Variants in USP43 observed in about 807,000 individuals in gnomAD.
USP43 encodes the protein ubiquitin specific peptidase 43.
A neutral mutation model predicts 90.7 loss-of-function variants in USP43; 33 were observed. The observed-to-expected ratio is 0.36, with a 90% CI of 0.28 to 0.49. USP43 has a LOEUF of 0.49. Ranked by LOEUF, USP43 falls within the 20% of genes least tolerant of loss-of-function variation. The probability of loss-of-function intolerance (pLI) is 0.98; values close to 1 mark genes in which losing one functional copy is unlikely to be tolerated. For missense variants in USP43, 1,274 were observed against 1,476.4 expected (o/e 0.86, Z 2.25); for synonymous variants, 598 against 615.8 (o/e 0.97, Z 0.43).
intron 14 of USP43, among the ~76,000 whole-genome samples, chr17:9,723,557 C>T (rs1257323006): frequency 5.8e-5 from 6 of 102,698 alleles, no homozygotes; most frequent in Non-Finnish European, 1.2e-4. Flanking sequence ...CCTCCCCTCC[C>T]CTCCCCTCCC....
intron 8 of USP43, among the ~76,000 whole-genome samples, chr17:9,689,573 G>A (rs369746774): frequency 2.6e-5 from 4 of 151,970 alleles, no homozygotes; most frequent in Admixed American, 6.6e-5. Context: ...CATCATGCCT[G>A]GTTAATTATT....
intron 2 of USP43, among the ~76,000 whole-genome samples, chr17:9,665,043 T>A (rs1466797724): frequency 6.6e-6 from 1 of 152,204 alleles, no homozygotes; most frequent in Non-Finnish European, 1.5e-5. Flanking sequence ...GCAGAAATTT[T>A]GGCATAACAG....
At chr17:9,687,392 G>T (rs1258947455) in intron 8 of USP43, among the ~76,000 whole-genome samples, 6 of 152,182 alleles carry the variant, frequency 3.9e-5, no homozygotes, top group Non-Finnish European at 8.8e-5. Flanking sequence ...TAAAATGGAT[G>T]ATTATGTCCA....
At chr17:9,689,461 G>T (rs777961917) in intron 8 of USP43, among the ~76,000 whole-genome samples, 11 of 151,830 alleles carry the variant, frequency 7.2e-5, no homozygotes, top group African/African-American at 1.5e-4. Context: ...GGCCAGGCTG[G>T]AGTGTGGTGG....
chr17:9,701,275 G>C lies in USP43; in HGVS notation c.1662+30G>C, dbSNP rs764760569. On this transcript the variant is annotated intron_variant, in intron 11 of 14. Transcript: ENST00000285199. The surrounding 1 kb of genome is among the most constrained non-coding windows in gnomAD (Gnocchi z 7.2). ...CGCCCTGGGGGTCCATGCCCCGGCC[G>C]GGAAGGGGGCTGGCTGCCTTTGGTG... is the stretch of plus-strand genomic sequence containing the variant. The C allele has an allele frequency of 1.9e-6, 3 of 1,599,802 alleles. No homozygotes were observed. Among genetic ancestry groups the C allele is most frequent in the African/African-American group, 2.7e-5 (2 of 74,718 alleles).
At chr17:9,653,409 G>A (rs532577391) in intron 1 of USP43, among the ~76,000 whole-genome samples, 4 of 152,034 alleles carry the variant, frequency 2.6e-5, no homozygotes, top group Non-Finnish European at 2.9e-5. Context: ...CCAACATGGC[G>A]AAACCCCATC....
chr17:9,660,347 C>T lies in USP43; in HGVS notation c.636+3813C>T, dbSNP rs368723186. Among the ~76,000 whole-genome samples, 41 of 152,224 alleles carry T rather than the reference C, an allele frequency of 2.7e-4. 1 individual carries two copies. The South Asian group carries it at 5.6e-3, about 21-fold the overall frequency. On this transcript the variant is annotated intron_variant, in intron 2 of 14. Transcript: ENST00000285199. ...TGTATTTTTAGTAGAGACAGGGTTT[C>T]GCTATGTTGGCCAGGCTGGCCTCGA...
In USP43 at chr17:9,727,981, G is replaced by C. The variant is rs200272651; in HGVS notation, c.2363G>C (p.Arg788Pro). ...GGGTTGGAGCCCAGGCGTTTGGTACGGGGCGTGAAAGGCAGAAGCATTAGC... is the reference window on the plus strand; with the variant it reads ...GGGTTGGAGCCCAGGCGTTTGGTACCGGGCGTGAAAGGCAGAAGCATTAGC... ...KGGLEPRRLV[R>P]GVKGRSISMK... is the part of the protein sequence containing the mutation. Residue 788 changes from arginine (R) to proline (P), a missense_variant, in exon 15 of 15, where the codon CGG becomes CCG. By Grantham distance (103) the Arg-to-Pro change is moderately radical (BLOSUM62 -2). Around this residue, in one of 6 missense-constraint regions of USP43, gnomAD observed 285 missense variants for 349.6 expected, o/e 0.82. Transcript: ENST00000285199. 3 of 1,609,386 alleles carry C rather than the reference G, an allele frequency of 1.9e-6. No homozygotes were observed. Among genetic ancestry groups the C allele is most frequent in the Admixed American group, 1.7e-5 (1 of 59,868 alleles).
chr17:9,696,694 C>T (rs534291211), intron 9 of USP43, among the ~76,000 whole-genome samples: 1 of 152,326 alleles, frequency 6.6e-6, no homozygotes, highest in South Asian at 2.1e-4. Flanking sequence ...CATCCCTGAC[C>T]CCTTCTAATC....
Position 9,680,510 on chromosome 17 carries a change from A to G in USP43, c.1105+144A>G. 6 of 948,938 alleles carry G rather than the reference A, an allele frequency of 6.3e-6. No individual in the cohort carries two copies. In the South Asian group the frequency reaches 9.3e-5, roughly 15 times the overall value. The allele number at this position is 948,938 out of a possible 1,614,324, so 58.8% of individuals were successfully genotyped here. The stretch of plus-strand genomic sequence containing the variant: ...ATTATCCCTGGCATTCGTTGTGTGC[A>G]GATGGTTGATATTAAAAATTATTCA... On this transcript the variant is annotated intron_variant, in intron 6 of 14. Coordinates refer to ENST00000285199, the MANE Select transcript of USP43 (RefSeq NM_153210.5).
chr17:9,724,670 GA>G, intron 14 of USP43, among the ~76,000 whole-genome samples: 1 of 152,308 alleles, frequency 6.6e-6, no homozygotes, highest in South Asian at 2.1e-4. Flanking sequence ...ACAAGAGCGA[GA>G]CTCTGTCTCA....
At chr17:9,647,408 C>T (rs1040658452) in intron 1 of USP43, 4 of 152,186 alleles carry the variant, frequency 2.6e-5, no homozygotes, top group African/African-American at 9.7e-5. Flanking sequence ...TGGTTAAGAG[C>T]AAGGTCTCTG....
At position 9,679,374 on chromosome 17, in the gene USP43, T is replaced by A. The variant is rs943095318; in HGVS notation, c.970-857T>A. On this transcript the variant is annotated intron_variant, in intron 5 of 14. Coordinates refer to ENST00000285199, the MANE Select transcript of USP43 (RefSeq NM_153210.5). ...ATGCCACCATGCCTGGCTAATTTTT[T>A]AAAAAAATTGTGTAGAGATGTGGTC... 1.3e-4 allele frequency among the ~76,000 whole-genome samples: 20 copies of A among 151,414 alleles called. No homozygotes were observed. In the East Asian group the frequency reaches 1.8e-3, roughly 13 times the overall value.
chr17:9,673,456 T>A (rs1487454177), intron 3 of USP43, among the ~76,000 whole-genome samples: 1 of 151,904 alleles, frequency 6.6e-6, no homozygotes, highest in Non-Finnish European at 1.5e-5. Flanking sequence ...TTGCAGTGAG[T>A]CGAGATCGCG....
At chr17:9,654,718 C>T (rs1485874368) in intron 1 of USP43, among the ~76,000 whole-genome samples, 3 of 149,932 alleles carry the variant, frequency 2.0e-5, no homozygotes, top group Admixed American at 1.3e-4. Context: ...TGCTTTGTCT[C>T]ATCCTAAAAT....
At position 9,701,106 on chromosome 17, in the gene USP43, C is replaced by T. The variant is rs1214193000; in HGVS notation, c.1536-13C>T. ...GGAAAGTCCTGAACGCCGTGGGTGT[C>T]CTCTCCGTGCAGCCTGTTCGGGAGC... On this transcript the variant is annotated splice_polypyrimidine_tract_variant and intron_variant, in intron 10 of 14. Transcript: ENST00000285199. The surrounding 1 kb of genome is among the most constrained non-coding windows in gnomAD (Gnocchi z 7.2). The T allele has an allele frequency of 6.9e-6, 10 of 1,453,286 alleles. No homozygotes were observed. The Admixed American group carries it at 2.2e-4, about 32-fold the overall frequency. 90.0% of individuals were successfully genotyped at this position (1,453,286 alleles called of 1,614,324 possible).
chr17:9,729,404 TAAA>T lies in USP43; in HGVS notation c.*415_*417del, dbSNP rs1303348749. The T allele has an allele frequency of 1.3e-5, 2 of 150,324 alleles. No homozygotes were observed. Among genetic ancestry groups the T allele is most frequent in the African/African-American group, 4.9e-5 (2 of 40,904 alleles). The allele number at this position is 150,324 out of a possible 1,614,324, so 9.3% of individuals were successfully genotyped here. Reference sequence around the variant, plus strand: ...CTTTTTTTTTTTTAAATTGTGGACTTAAAGAAAAATATTTTATTTTTAATGCTT... The same window carrying T: ...CTTTTTTTTTTTTAAATTGTGGACTTGAAAAATATTTTATTTTTAATGCTT... On this transcript the variant is annotated 3_prime_UTR_variant, in exon 15 of 15. Transcript: ENST00000285199.
rs767899277 is a variant in USP43, at chr17:9,701,036, G to A, written c.1536-83G>A. 1.1e-4 allele frequency: 153 copies of A among 1,404,534 alleles called. No homozygotes were observed. The highest frequency in any genetic ancestry group is 1.4e-4 in the Non-Finnish European group (149 of 1,077,426). 87.0% of individuals were successfully genotyped at this position (1,404,534 alleles called of 1,614,324 possible). On this transcript the variant is annotated intron_variant, in intron 10 of 14. Coordinates refer to ENST00000285199, the MANE Select transcript of USP43 (RefSeq NM_153210.5). This position sits in a 1 kb window ranked among gnomAD's most constrained non-coding sequence, Gnocchi z 7.2. ...TGTGGCCTGGCCAATGTCTGCTGACGGGTTTGCTGTGAGTAGAGACATAGA... is the reference window on the plus strand; with the variant it reads ...TGTGGCCTGGCCAATGTCTGCTGACAGGTTTGCTGTGAGTAGAGACATAGA...
At chr17:9,668,884 A>G (rs1913211310) in intron 3 of USP43, among the ~76,000 whole-genome samples, 1 of 152,132 alleles carries the variant, frequency 6.6e-6, no homozygotes, top group African/African-American at 2.4e-5. Flanking sequence ...TGCCCAGGCT[A>G]GAGTGCAATG....
Sources: gnomAD v4.1 joint callset for allele counts (sites outside exome capture counted in the v4.1 genomes callset) on GRCh38, gnomAD v4.1.1 for gene constraint, gnomAD v4.1.1 regional missense constraint, Gnocchi (gnomAD v3.1) non-coding constraint, MANE v1.5 for transcripts, NCBI Gene and HGNC (gene_info 2026-07-23, HGNC 2026-07-21) for gene names.